The following RHOBTB1 variants were observed in gnomAD, a reference collection of about 807,000 sequenced individuals.
RHOBTB1 encodes the protein Rho related BTB domain containing 1.
In RHOBTB1, 40 loss-of-function variants were observed where a neutral mutation model predicts 71.6. The ratio of observed to expected loss-of-function variants is 0.56; its 90% CI spans 0.43 to 0.73. RHOBTB1 has a LOEUF of 0.73. RHOBTB1 is among the 30% of genes least tolerant of loss of function. The probability of loss-of-function intolerance (pLI) is 0.00; values close to 1 mark genes in which losing one functional copy is unlikely to be tolerated. For synonymous variants in RHOBTB1, 319 were observed against 334.9 expected (o/e 0.95, Z 0.52); for missense variants, 797 against 894.0 (o/e 0.89, Z 1.38).
chr10:60,893,024 A>G lies in RHOBTB1; in HGVS notation c.297-29T>C, dbSNP rs1377535845. The G allele has an allele frequency of 1.9e-6, 3 of 1,575,706 alleles. No homozygotes were observed. The South Asian group carries it at 3.5e-5, about 18-fold the overall frequency. ...AAAGGAAATCATAAAAGAAGCTTGT[A>G]TTGCCTTTTAACAGGTTTTTTCTTT... On this transcript the variant is annotated intron_variant, in intron 4 of 10. Coordinates refer to ENST00000337910, the MANE Select transcript of RHOBTB1 (RefSeq NM_014836.5).
intron 4 of RHOBTB1, among the ~76,000 whole-genome samples, chr10:60,904,214 T>C (rs1449691277): frequency 1.3e-5 from 2 of 152,218 alleles, no homozygotes; most frequent in African/African-American, 4.8e-5. Context: ...CCCAGAGTGC[T>C]GGGATTATAG....
At chr10:60,873,888 G>A (rs994918924) in intron 9 of RHOBTB1, among the ~76,000 whole-genome samples, 4 of 152,354 alleles carry the variant, frequency 2.6e-5, no homozygotes, top group African/African-American at 4.8e-5. Context: ...TGCCTAGGGC[G>A]GTGCCTGGTA....
At chr10:60,901,268 G>A (rs2082401564) in intron 4 of RHOBTB1, among the ~76,000 whole-genome samples, 1 of 152,152 alleles carries the variant, frequency 6.6e-6, no homozygotes, top group African/African-American at 2.4e-5. Context: ...AGAATAAAGT[G>A]GTGGACTAAT....
chr10:60,989,230 T>C (rs1285995307), intron 1 of RHOBTB1, among the ~76,000 whole-genome samples: 2 of 152,196 alleles, frequency 1.3e-5, no homozygotes, highest in Admixed American at 1.3e-4. Context: ...TATTTTTCTT[T>C]CTTAAAACAC....
chr10:60,862,223 A>C, the RHOBTB1 span, among the ~76,000 whole-genome samples: 1 of 138,746 alleles, frequency 7.2e-6, no homozygotes, highest in East Asian at 2.1e-4. Context: ...ATTGAGATGG[A>C]GTCTCACCCT....
At chr10:60,934,919 C>T (rs1002457975) in intron 2 of RHOBTB1, among the ~76,000 whole-genome samples, 6 of 152,058 alleles carry the variant, frequency 3.9e-5, no homozygotes, top group Non-Finnish European at 8.8e-5. Context: ...GATCAACAGC[C>T]GTGGGCATGT....
intron 2 of RHOBTB1, among the ~76,000 whole-genome samples, chr10:60,918,400 A>G (rs773801315): frequency 6.6e-6 from 1 of 152,172 alleles, no homozygotes; most frequent in Admixed American, 6.5e-5. Context: ...AGAGACTCCC[A>G]GGAAGTTCTG....
At chr10:60,918,626 C>T (rs1438697660) in intron 2 of RHOBTB1, among the ~76,000 whole-genome samples, 2 of 152,324 alleles carry the variant, frequency 1.3e-5, no homozygotes, top group East Asian at 1.9e-4. Flanking sequence ...AGAGTTATCA[C>T]TTGTCTAAGA....
At chr10:60,942,898 C>G (rs1349615495) in intron 1 of RHOBTB1, among the ~76,000 whole-genome samples, 1 of 149,356 alleles carries the variant, frequency 6.7e-6, no homozygotes, top group Non-Finnish European at 1.5e-5. Flanking sequence ...TAGTGCAGAA[C>G]GTACACCACC....
intron 1 of RHOBTB1, among the ~76,000 whole-genome samples, chr10:60,943,306 TAC>T (rs2085018294): frequency 6.6e-6 from 1 of 152,254 alleles, no homozygotes. Flanking sequence ...GATATATTTC[TAC>T]ATAGTTGCCT....
chr10:60,951,149 T>C (rs2085395842), intron 2 of RHOBTB1, among the ~76,000 whole-genome samples: 3 of 152,238 alleles, frequency 2.0e-5, no homozygotes, highest in Admixed American at 2.0e-4. Context: ...CTTCTGACTA[T>C]GTGGATGCAA....
chr10:60,927,377 T>G (rs2083944854), intron 2 of RHOBTB1, among the ~76,000 whole-genome samples: 1 of 152,106 alleles, frequency 6.6e-6, no homozygotes, highest in African/African-American at 2.4e-5. Flanking sequence ...TTCAATCCAG[T>G]CAAGTTGACA....
rs138598770 is a variant in RHOBTB1 at position 60,905,647 on chromosome 10, C to T, written c.296+5240G>A. ...TATTATTTACATTTTATGCCCAAAG[C>T]GAGTGACTCCCTCAGTATGCCCTAG... On this transcript the variant is annotated intron_variant, in intron 4 of 10. Transcript: ENST00000337910. Among the ~76,000 whole-genome samples, 33 of 152,088 alleles carry T rather than the reference C, an allele frequency of 2.2e-4. No homozygotes were observed. In the East Asian group the frequency reaches 6.4e-3, roughly 29 times the overall value.
At position 60,888,861 on chromosome 10, in the gene RHOBTB1, C is replaced by G; in HGVS notation, c.807G>C (p.Leu269=). ...LLDNPLCADV[L]FILQDQEHIF... ...TGTGTTCCTGGTCCTGAAGGATGAA[C>G]AGAACATCGGCACATAGAGGATTGT... The change falls in exon 6 of 11, where the codon CTG becomes CTC. Residue 269 remains leucine, a synonymous_variant. Coordinates refer to ENST00000337910, the MANE Select transcript of RHOBTB1 (RefSeq NM_014836.5). 6.2e-7 allele frequency: 1 copy of G among 1,614,162 alleles called. No individual in the cohort carries two copies. Among genetic ancestry groups the G allele is most frequent in the Non-Finnish European group, 8.5e-7 (1 of 1,180,020 alleles).
intron 7 of RHOBTB1, among the ~76,000 whole-genome samples, chr10:60,882,898 C>T (rs922686911): frequency 1.3e-5 from 2 of 152,174 alleles, no homozygotes; most frequent in African/African-American, 4.8e-5. Flanking sequence ...ATAATAGTCG[C>T]TAACATTTAT....
At chr10:60,880,202 T>TGAGAGAGAGAGAGAGAGAGAGA (rs71018931) in intron 7 of RHOBTB1, among the ~76,000 whole-genome samples, 4 of 127,006 alleles carry the variant, frequency 3.1e-5, no homozygotes, top group Non-Finnish European at 5.0e-5. Context: ...TGTGTGTGTG[T>TGAGAGAGAGAGAGAGAGAGAGA]GAGAGAGAGA....
upstream of RHOBTB1, among the ~76,000 whole-genome samples, chr10:61,001,884 G>T (rs1163845185): frequency 6.6e-6 from 1 of 152,212 alleles, no homozygotes; most frequent in Non-Finnish European, 1.5e-5. Context: ...TGGGACTTGC[G>T]GGGGCATCTC....
At chr10:60,973,919 T>C (rs542537457) in intron 2 of RHOBTB1, among the ~76,000 whole-genome samples, 1 of 152,180 alleles carries the variant, frequency 6.6e-6, no homozygotes, top group South Asian at 2.1e-4. Context: ...AAGGTTCTAA[T>C]GTTTGAAGTA....
chr10:60,949,641 A>G (rs77351808), intron 2 of RHOBTB1, among the ~76,000 whole-genome samples: 1,309 of 127,466 alleles, frequency 0.01, 8 homozygotes, highest in Non-Finnish European at 0.015. Context: ...GACTGTTGGT[A>G]TTGATGTGGT....
Sources: allele counts gnomAD v4.1 joint callset (sites outside exome capture counted in the v4.1 genomes callset), GRCh38; gene constraint gnomAD v4.1.1; transcripts MANE v1.5; gene names NCBI Gene and HGNC (gene_info 2026-07-23, HGNC 2026-07-21).